Variants in HYDIN observed in about 807,000 individuals in gnomAD.
The protein encoded by HYDIN is HYDIN axonemal central pair apparatus protein, also known as axonemal central pair apparatus protein HYDIN.
HYDIN carries 132 observed loss-of-function variants against 403.9 expected under a neutral mutation model. That is an observed-to-expected ratio of 0.33 (90% confidence interval 0.28 to 0.38). HYDIN has a LOEUF of 0.38. Ranked by LOEUF, HYDIN falls within the 10% of genes least tolerant of loss-of-function variation. The pLI is 1.00. For synonymous variants in HYDIN, 1,202 were observed against 1,891.7 expected (o/e 0.64, Z 9.46); for missense variants, 2,827 against 5,009.5 (o/e 0.56, Z 13.15).
At chr16:70,905,409 G>A (rs2143768501) in intron 50 of HYDIN, among the ~76,000 whole-genome samples, 1 of 152,230 alleles carries the variant, frequency 6.6e-6, no homozygotes, top group South Asian at 2.1e-4. Flanking sequence ...TTGAGAGGCT[G>A]AGGTGGGCAG....
At chr16:70,821,538 C>G (rs1180162992) in intron 83 of HYDIN, among the ~76,000 whole-genome samples, 1 of 151,930 alleles carries the variant, frequency 6.6e-6, no homozygotes, top group Non-Finnish European at 1.5e-5. Flanking sequence ...TAGGTGAAGC[C>G]AGAACTCTAG....
At chr16:71,194,375 C>A (rs2087590336) in intron 1 of HYDIN, among the ~76,000 whole-genome samples, 2 of 152,200 alleles carry the variant, frequency 1.3e-5, no homozygotes, top group Admixed American at 1.3e-4. Flanking sequence ...CGCACCACTG[C>A]ACTCCAGCCC....
At chr16:71,007,258 C>A (rs2079917969) in intron 23 of HYDIN, among the ~76,000 whole-genome samples, 1 of 152,170 alleles carries the variant, frequency 6.6e-6, no homozygotes, top group Admixed American at 6.5e-5. Context: ...TATCCACCCA[C>A]CTTGTGCCCC....
chr16:71,220,147 C>T (rs554699891), intron 1 of HYDIN, among the ~76,000 whole-genome samples: 2 of 152,220 alleles, frequency 1.3e-5, no homozygotes, highest in Admixed American at 6.5e-5. Context: ...ACACAGATCC[C>T]GAATGTGTAC....
At chr16:71,175,264 A>G (rs1769387880) in intron 5 of HYDIN, among the ~76,000 whole-genome samples, 2 of 151,946 alleles carry the variant, frequency 1.3e-5, no homozygotes, top group Admixed American at 6.6e-5. Flanking sequence ...TACACACACC[A>G]GCACCATCAC....
chr16:71,050,370 C>T (rs544945246), intron 18 of HYDIN, among the ~76,000 whole-genome samples: 8 of 130,002 alleles, frequency 6.2e-5, no homozygotes, highest in African/African-American at 2.2e-4. Flanking sequence ...AACTAAGCAT[C>T]GTAAACTACA....
chr16:70,875,795 A>G (rs2040409236), intron 62 of HYDIN, among the ~76,000 whole-genome samples: 1 of 152,178 alleles, frequency 6.6e-6, no homozygotes. Context: ...TGGGATTTTT[A>G]AAGGAACGTT....
At chr16:70,837,202 A>G (rs2037486455) in intron 77 of HYDIN, among the ~76,000 whole-genome samples, 1 of 152,140 alleles carries the variant, frequency 6.6e-6, no homozygotes, top group Non-Finnish European at 1.5e-5. Context: ...TGAACCAAAT[A>G]TCATCCAGGG....
chr16:71,152,865 T>C (rs1000060833), intron 6 of HYDIN, 82 bp from the exon 7 acceptor site: 38 of 1,203,104 alleles, frequency 3.2e-5, no homozygotes, highest in Non-Finnish European at 3.6e-6. Context: ...GGAGTTCTAG[T>C]TCTGCAGACA....
intron 1 of HYDIN, among the ~76,000 whole-genome samples, chr16:71,194,896 A>G (rs772663584): frequency 1.3e-5 from 2 of 152,214 alleles, no homozygotes; most frequent in Non-Finnish European, 2.9e-5. Flanking sequence ...GTCCTTTAAC[A>G]TGGCTGCTTG....
chr16:70,877,059 C>T (rs912690461), intron 62 of HYDIN, among the ~76,000 whole-genome samples: 2 of 150,554 alleles, frequency 1.3e-5, no homozygotes, highest in African/African-American at 5.0e-5. Context: ...AATATAATAA[C>T]TTAAGGACTT....
Position 70,805,125 on chromosome 16 carries a change from G to T in HYDIN, c.*2455C>A, listed in dbSNP as rs2035054848. Among the ~76,000 whole-genome samples, 1 of 152,218 alleles carries T rather than the reference G, an allele frequency of 6.6e-6. No individual in the cohort carries two copies. The highest frequency in any genetic ancestry group is 6.5e-5 in the Admixed American group (1 of 15,286). ...ACCTCTGGTGAATAGGTGGAAGGAG[G>T]CACATTTTGGGGAGGGTTAATTTCA... On this transcript the variant is annotated 3_prime_UTR_variant, in exon 86 of 86. Transcript: ENST00000393567.
intron 23 of HYDIN, among the ~76,000 whole-genome samples, chr16:70,993,859 A>G (rs1411875023): frequency 1.3e-3 from 199 of 151,728 alleles, no homozygotes; most frequent in Non-Finnish European, 2.5e-3. Flanking sequence ...TTTACATTTT[A>G]GCCATTCAAA....
At chr16:70,990,310 GC>G (rs1309544433) in intron 25 of HYDIN, among the ~76,000 whole-genome samples, 1 of 139,324 alleles carries the variant, frequency 7.2e-6, no homozygotes, top group African/African-American at 2.7e-5. Context: ...CACGAGAATT[GC>G]TTGAACCCAG....
rs199617707 is a variant in HYDIN at position 71,205,781 on chromosome 16, CT to C, written c.-23-18864del. On this transcript the variant is annotated intron_variant, in intron 1 of 85. Coordinates refer to ENST00000393567, the MANE Select transcript of HYDIN (RefSeq NM_001270974.2). ...CGTGAACTCAGCTGGAGGGCACAGC[CT>C]CCTGTTGTCACAGGAAGACCCTACC... Among the ~76,000 whole-genome samples, 786 of 152,334 alleles carry C rather than the reference CT, an allele frequency of 5.2e-3. 6 individuals are homozygous for C. Among genetic ancestry groups the C allele is most frequent in the African/African-American group, 0.018 (756 of 41,588 alleles).
chr16:70,871,233 G>C (rs1199763814), intron 65 of HYDIN, among the ~76,000 whole-genome samples: 1 of 151,900 alleles, frequency 6.6e-6, no homozygotes, highest in South Asian at 2.1e-4. Context: ...ACTCCAAAAA[G>C]CAAAATTTAT....
chr16:71,070,145 T>G (rs1317700474), intron 13 of HYDIN, among the ~76,000 whole-genome samples: 1 of 152,156 alleles, frequency 6.6e-6, no homozygotes, highest in African/African-American at 2.4e-5. Context: ...CAAAGCTGCT[T>G]TGTCATCGTA....
intron 52 of HYDIN, among the ~76,000 whole-genome samples, chr16:70,902,046 C>T (rs2076395841): frequency 6.6e-6 from 1 of 151,212 alleles, no homozygotes. Flanking sequence ...CAGTTCAAAC[C>T]TGCATTGTTC....
intron 2 of HYDIN, 98 bp downstream of exon 2, chr16:71,186,663 T>TA: frequency 1.1e-6 from 1 of 910,090 alleles, no homozygotes. Flanking sequence ...AATCAGTCAG[T>TA]AATTCTGTTT....
Sources: allele counts gnomAD v4.1 joint callset (sites outside exome capture counted in the v4.1 genomes callset), GRCh38; gene constraint gnomAD v4.1.1; transcripts MANE v1.5; gene names NCBI Gene and HGNC (gene_info 2026-07-23, HGNC 2026-07-21).